Variants in COPZ1 observed in about 807,000 individuals in gnomAD.
COPZ1 encodes the protein coat protein complex I subunit zeta 1, also known as coatomer subunit zeta-1.
A neutral mutation model predicts 31.7 loss-of-function variants in COPZ1; 4 were observed. The observed-to-expected ratio is 0.13, with a 90% CI of 0.06 to 0.29. The LOEUF is 0.29. COPZ1 is among the 10% of genes least tolerant of loss of function. The pLI is 1.00. For missense variants in COPZ1, 156 were observed against 211.5 expected (o/e 0.74, Z 1.63); for synonymous variants, 74 against 79.0 (o/e 0.94, Z 0.33).
chr12:54,328,430 C>T (rs978865904), intron 1 of COPZ1, among the ~76,000 whole-genome samples: 2 of 151,008 alleles, frequency 1.3e-5, no homozygotes, highest in Admixed American at 6.6e-5. Flanking sequence ...CTTAGCTGGG[C>T]GTGGCCACGC....
chr12:54,343,257 G>A lies in COPZ1; in HGVS notation c.202G>A (p.Val68Ile), dbSNP rs747608723. 11 of 1,614,050 alleles carry A rather than the reference G, an allele frequency of 6.8e-6. No individual in the cohort carries two copies. The South Asian group carries it at 1.1e-4, about 16-fold the overall frequency. The change falls in exon 4 of 9, where the codon GTA (valine) becomes ATA (isoleucine). Residue 68 changes from valine to isoleucine, a missense_variant. Physicochemically the swap from Val to Ile is conservative, Grantham distance 29 (BLOSUM62 3). Coordinates refer to ENST00000262061, the MANE Select transcript of COPZ1 (RefSeq NM_016057.3). ...TGCCCTCTTGGAAGGCCTGACAGTG[G>A]TATACAAAAGCAGTATAGATCTCTA... ...EIALLEGLTV[V>I]YKSSIDLYFY...
At chr12:54,340,500 T>A in intron 1 of COPZ1, 47 bp from the exon 2 acceptor site, 1 of 1,611,262 alleles carries the variant, frequency 6.2e-7, no homozygotes, top group Non-Finnish European at 8.5e-7. Context: ...GGTTTACCAG[T>A]GGTGATGGGA....
chr12:54,325,933 C>T (rs1953626418), intron 1 of COPZ1, among the ~76,000 whole-genome samples: 1 of 151,062 alleles, frequency 6.6e-6, no homozygotes, highest in African/African-American at 2.4e-5. Context: ...ATTCTCTTGC[C>T]TCAGCCTCCC....
At chr12:54,326,479 C>G (rs533757038) in intron 1 of COPZ1, among the ~76,000 whole-genome samples, 3 of 147,516 alleles carry the variant, frequency 2.0e-5, no homozygotes, top group African/African-American at 7.6e-5. Flanking sequence ...TAATTTCTCC[C>G]TCTCTGGTTA....
At chr12:54,336,360 T>G (rs1953863164) in intron 1 of COPZ1, among the ~76,000 whole-genome samples, 2 of 151,518 alleles carry the variant, frequency 1.3e-5, no homozygotes, top group African/African-American at 4.9e-5. Context: ...CTGGCTACAG[T>G]GAAACCCCAT....
At chr12:54,350,190 G>A (rs1169716607) in intron 8 of COPZ1, 10 of 689,442 alleles carry the variant, frequency 1.5e-5, no homozygotes, top group East Asian at 5.4e-5. Context: ...CCCCCTGCCC[G>A]CCGCCCCTTT....
Position 54,347,760 on chromosome 12 carries a change from G to A in COPZ1, c.318-7G>A, listed in dbSNP as rs750051593. The A allele has an allele frequency of 1.2e-6, 2 of 1,609,204 alleles. No homozygotes were observed. The highest frequency in any genetic ancestry group is 1.1e-5 in the South Asian group (1 of 90,256). ...GGTTATTCTCTTCTCTTCTCTTGGG[G>A]ACTCAGGAAAAATGTAGAAAAGCGA... On this transcript the variant is annotated splice_polypyrimidine_tract_variant and splice_region_variant and intron_variant, in intron 5 of 8. Transcript: ENST00000262061.
At chr12:54,348,629 C>A (rs147566805) in intron 7 of COPZ1, among the ~76,000 whole-genome samples, 1,611 of 152,140 alleles carry the variant, frequency 0.011, 12 homozygotes, top group Non-Finnish European at 0.019. Context: ...CCCAGCTACT[C>A]AGGAGGCTAA....
intron 5 of COPZ1, among the ~76,000 whole-genome samples, chr12:54,347,514 G>C (rs139919557): frequency 6.6e-6 from 1 of 152,204 alleles, no homozygotes; most frequent in Non-Finnish European, 1.5e-5. Context: ...AAATAATAGC[G>C]TGGATAATCA....
intron 1 of COPZ1, among the ~76,000 whole-genome samples, chr12:54,329,230 T>G (rs1953711160): frequency 6.6e-6 from 1 of 152,128 alleles, no homozygotes; most frequent in Non-Finnish European, 1.5e-5. Flanking sequence ...ATCACCATTC[T>G]CCATTAATAA....
At chr12:54,339,425 G>A (rs373136655) in intron 1 of COPZ1, among the ~76,000 whole-genome samples, 25 of 152,226 alleles carry the variant, frequency 1.6e-4, no homozygotes, top group African/African-American at 5.1e-4. Context: ...CTAGCTCAGC[G>A]TGGTCTTAAA....
At position 54,348,065 on chromosome 12, in the gene COPZ1, T is replaced by C. The variant is rs768580263; in HGVS notation, c.447+14T>C. On this transcript the variant is annotated intron_variant, in intron 7 of 8. Coordinates refer to ENST00000262061, the MANE Select transcript of COPZ1 (RefSeq NM_016057.3). ...GTGGCATTAAGGGTAAGCAAGAATG[T>C]GTTTCTTTGCATCCCCGCATCTATT... The C allele has an allele frequency of 3.7e-6, 6 of 1,613,448 alleles. No homozygotes were observed. The African/African-American group carries it at 8.0e-5, about 22-fold the overall frequency.
chr12:54,339,280 AAGTC>A (rs1372602734), intron 1 of COPZ1, among the ~76,000 whole-genome samples: 2 of 151,638 alleles, frequency 1.3e-5, no homozygotes, highest in South Asian at 4.2e-4. Context: ...AAAAAAAAGA[AAGTC>A]AAGGAATGTG....
chr12:54,342,377 G>C, intron 3 of COPZ1, 90 bp downstream of exon 3: 1 of 949,080 alleles, frequency 1.1e-6, no homozygotes, highest in Admixed American at 1.9e-5. Context: ...AGGATGAAAT[G>C]ACTCTGCCTT....
intron 7 of COPZ1, among the ~76,000 whole-genome samples, chr12:54,348,879 T>C (rs1474426838): frequency 6.6e-6 from 1 of 152,144 alleles, no homozygotes; most frequent in Non-Finnish European, 1.5e-5. Flanking sequence ...GAGTTAACCA[T>C]AGAAGGCCCC....
chr12:54,347,626 A>C, intron 5 of COPZ1, 141 bp from the exon 6 acceptor site: 1 of 694,080 alleles, frequency 1.4e-6, no homozygotes, highest in Non-Finnish European at 2.4e-6. Context: ...ACTAGCTAAA[A>C]AGTTCTTCAC....
chr12:54,343,116 C>T (rs1041702439), intron 3 of COPZ1, 109 bp from the exon 4 acceptor site: 1 of 854,120 alleles, frequency 1.2e-6, no homozygotes, highest in Admixed American at 1.9e-5. Flanking sequence ...CTCGGCTTCC[C>T]AAGGTGCTGG....
chr12:54,350,622 C>T lies in COPZ1; in HGVS notation c.*99C>T, dbSNP rs1349526129. On this transcript the variant is annotated 3_prime_UTR_variant, in exon 9 of 9. Transcript: ENST00000262061. ...CCAATCGATGCTCTCAGGGTCATCTCGGGGATCACAGGGATCCTTAAATCT... is the reference window on the plus strand; with the variant it reads ...CCAATCGATGCTCTCAGGGTCATCTTGGGGATCACAGGGATCCTTAAATCT... The T allele has an allele frequency of 2.2e-5, 22 of 981,848 alleles. No individual in the cohort carries two copies. The highest frequency in any genetic ancestry group is 1.4e-4 in the Admixed American group (8 of 58,592). 60.8% of individuals were successfully genotyped at this position (981,848 alleles called of 1,614,324 possible).
chr12:54,330,395 C>T (rs1293644252), intron 1 of COPZ1, among the ~76,000 whole-genome samples: 1 of 152,188 alleles, frequency 6.6e-6, no homozygotes, highest in African/African-American at 2.4e-5. Flanking sequence ...GAGCAATTGA[C>T]GCTGCTTCTA....
Sources: gnomAD v4.1 joint callset for allele counts (sites outside exome capture counted in the v4.1 genomes callset) on GRCh38, gnomAD v4.1.1 for gene constraint, MANE v1.5 for transcripts, NCBI Gene and HGNC (gene_info 2026-07-23, HGNC 2026-07-21) for gene names.